Variants in IQGAP2 observed in about 807,000 individuals in gnomAD.
The protein encoded by IQGAP2 is IQ motif containing GTPase activating protein 2.
In IQGAP2, 173 loss-of-function variants were observed where a neutral mutation model predicts 201.3. The observed-to-expected ratio is 0.86, with a 90% CI of 0.76 to 0.98. The LOEUF is 0.98. IQGAP2 is among the 50% of genes least tolerant of loss of function. The pLI is 0.00. For synonymous variants in IQGAP2, 675 were observed against 673.9 expected (o/e 1.00, Z -0.03); for missense variants, 1,687 against 1,864.8 (o/e 0.90, Z 1.76).
Position 76,641,077 on chromosome 5 carries a change from C to A in IQGAP2, c.2068C>A (p.Gln690Lys), listed in dbSNP as rs1751542240. 1.2e-6 allele frequency: 2 copies of A among 1,603,990 alleles called. No homozygotes were observed. The highest frequency in any genetic ancestry group is 2.7e-5 in the African/African-American group (2 of 74,910). The change falls in exon 17 of 36, where the codon CAA becomes AAA. Residue 690 changes from glutamine (Q) to lysine (K), a missense_variant. By Grantham distance (53) the Gln-to-Lys change is moderately conservative (BLOSUM62 1). Transcript: ENST00000274364. ...FEARKSFLHEQEENVVKIQAF... is the reference protein window; with the variant it reads ...FEARKSFLHEKEENVVKIQAF... Reference sequence around the variant, plus strand: ...AGCTAGAAAATCATTTTTGCATGAACAAGAAGAGAATGTGGTCAAAATACA... The same window carrying A: ...AGCTAGAAAATCATTTTTGCATGAAAAAGAAGAGAATGTGGTCAAAATACA...
intron 1 of IQGAP2, among the ~76,000 whole-genome samples, chr5:76,437,740 T>C (rs1024108194): frequency 6.6e-6 from 1 of 152,204 alleles, no homozygotes; most frequent in African/African-American, 2.4e-5. Flanking sequence ...TATTCCATGG[T>C]GTATATTTAC....
Position 76,668,689 on chromosome 5 carries a change from T to A in IQGAP2, c.2688T>A (p.Pro896=). 6.2e-7 allele frequency: 1 copy of A among 1,610,152 alleles called. No individual in the cohort carries two copies. The highest frequency in any genetic ancestry group is 8.5e-7 in the Non-Finnish European group (1 of 1,178,778). Residue 896 remains proline (P), a synonymous_variant, in exon 23 of 36, where the codon CCT becomes CCA. Transcript: ENST00000274364. ...TCCTTCTTTCCTTCTAGACCAACCC[T>A]TTATACTTGGCTAAGCTGATTTTCC... ...QQLFYLLQTN[P]LYLAKLIFQM...
intron 2 of IQGAP2, among the ~76,000 whole-genome samples, chr5:76,464,696 TAATA>T (rs1242098320): frequency 3.9e-5 from 6 of 152,192 alleles, no homozygotes; most frequent in Admixed American, 1.3e-4. Flanking sequence ...CAAAATTCTA[TAATA>T]AATCAGGCCA....
At chr5:76,496,274 G>A (rs1756885586) in intron 2 of IQGAP2, among the ~76,000 whole-genome samples, 1 of 152,172 alleles carries the variant, frequency 6.6e-6, no homozygotes, top group African/African-American at 2.4e-5. Flanking sequence ...GGTCTCTCAA[G>A]GCTGCCTTAA....
chr5:76,434,578 C>G (rs1191669868), intron 1 of IQGAP2, among the ~76,000 whole-genome samples: 2 of 152,040 alleles, frequency 1.3e-5, no homozygotes, highest in Non-Finnish European at 2.9e-5. Context: ...TCCATATTTT[C>G]TTTATCCACT....
At chr5:76,649,375 G>A (rs1245999125) in intron 17 of IQGAP2, among the ~76,000 whole-genome samples, 1 of 152,148 alleles carries the variant, frequency 6.6e-6, no homozygotes, top group Non-Finnish European at 1.5e-5. Context: ...GAATGAAGGA[G>A]AAACTAAGAG....
At chr5:76,538,133 G>A (rs1759730004) in intron 2 of IQGAP2, among the ~76,000 whole-genome samples, 1 of 152,152 alleles carries the variant, frequency 6.6e-6, no homozygotes, top group African/African-American at 2.4e-5. Flanking sequence ...AAGAGCAAAA[G>A]TATTTCTTAC....
At chr5:76,572,212 T>A (rs1418234253) in intron 4 of IQGAP2, among the ~76,000 whole-genome samples, 1 of 148,862 alleles carries the variant, frequency 6.7e-6, no homozygotes, top group Non-Finnish European at 1.5e-5. Context: ...TATGTACAGC[T>A]ATTTTTTTTT....
At chr5:76,593,223 T>A (rs1746781029) in intron 9 of IQGAP2, among the ~76,000 whole-genome samples, 1 of 152,228 alleles carries the variant, frequency 6.6e-6, no homozygotes, top group Non-Finnish European at 1.5e-5. Context: ...CTGAAGGTCA[T>A]TTAGTAAAAG....
intron 1 of IQGAP2, among the ~76,000 whole-genome samples, chr5:76,418,941 A>T (rs954694817): frequency 6.6e-6 from 1 of 152,098 alleles, no homozygotes; most frequent in African/African-American, 2.4e-5. Context: ...ACTATTATCC[A>T]CGCCCTTGAC....
intron 1 of IQGAP2, among the ~76,000 whole-genome samples, chr5:76,435,206 T>C (rs1312095360): frequency 1.3e-5 from 2 of 152,114 alleles, no homozygotes; most frequent in African/African-American, 4.8e-5. Context: ...CTTTTTAGTT[T>C]AGTTAGGTCC....
chr5:76,627,629 A>G (rs925463742), intron 14 of IQGAP2, 129 bp downstream of exon 14: 1 of 630,012 alleles, frequency 1.6e-6, no homozygotes, highest in African/African-American at 1.9e-5. Context: ...ACACATAATT[A>G]TACCGAAATT....
intron 2 of IQGAP2, among the ~76,000 whole-genome samples, chr5:76,534,028 C>T (rs995281844): frequency 7.9e-5 from 12 of 152,172 alleles, no homozygotes; most frequent in Non-Finnish European, 1.0e-4. Context: ...AAAAGGCCAT[C>T]CTTCTCCAGG....
At chr5:76,440,318 A>C (rs566519051) in intron 1 of IQGAP2, among the ~76,000 whole-genome samples, 1 of 152,156 alleles carries the variant, frequency 6.6e-6, no homozygotes, top group Non-Finnish European at 1.5e-5. Context: ...TGAGGCCAAG[A>C]GTTCAAGACT....
chr5:76,429,887 A>G (rs1752267988), intron 1 of IQGAP2, among the ~76,000 whole-genome samples: 2 of 151,358 alleles, frequency 1.3e-5, no homozygotes, highest in Admixed American at 1.3e-4. Context: ...ACACACACAC[A>G]CACACACGAC....
chr5:76,590,407 G>A lies in IQGAP2; in HGVS notation c.641-1G>A, dbSNP rs145787173. ...TTTCTCTCTCTCTCTTTACTTTTTAGTACATGCTGCAGTTATAGCCATTAA... is the reference window on the plus strand; with the variant it reads ...TTTCTCTCTCTCTCTTTACTTTTTAATACATGCTGCAGTTATAGCCATTAA... On this transcript the variant is annotated splice_acceptor_variant, in intron 7 of 35. Transcript: ENST00000274364. LOFTEE classifies it high-confidence loss of function. 1.3e-6 allele frequency: 2 copies of A among 1,584,832 alleles called. No individual in the cohort carries two copies. The highest frequency in any genetic ancestry group is 1.4e-5 in the African/African-American group (1 of 73,386).
chr5:76,652,879 C>T (rs1752630001), intron 18 of IQGAP2, 46 bp downstream of exon 18: 2 of 1,208,304 alleles, frequency 1.7e-6, no homozygotes, highest in East Asian at 4.6e-5. Context: ...TTAAACGTTT[C>T]CCCTCATTTC....
intron 22 of IQGAP2, among the ~76,000 whole-genome samples, chr5:76,666,493 G>T (rs1743767130): frequency 6.6e-6 from 1 of 152,166 alleles, no homozygotes; most frequent in Non-Finnish European, 1.5e-5. Context: ...TATATAGGTG[G>T]AGGCACATTT....
At chr5:76,638,021 C>A (rs1340767677) in intron 16 of IQGAP2, among the ~76,000 whole-genome samples, 2 of 152,174 alleles carry the variant, frequency 1.3e-5, no homozygotes, top group Admixed American at 6.5e-5. Context: ...TCTTTTTAAC[C>A]AAACTATATA....
Sources: gnomAD v4.1 joint callset for allele counts (sites outside exome capture counted in the v4.1 genomes callset) on GRCh38, gnomAD v4.1.1 for gene constraint, MANE v1.5 for transcripts, NCBI Gene and HGNC (gene_info 2026-07-23, HGNC 2026-07-21) for gene names.